Variants in MRPS22 observed in about 807,000 individuals in gnomAD.
MRPS22 encodes the protein mitochondrial ribosomal protein S22, also known as small ribosomal subunit protein mS22.
MRPS22 carries 30 observed loss-of-function variants against 44.0 expected under a neutral mutation model. The observed-to-expected ratio is 0.68, with a 90% CI of 0.51 to 0.93. MRPS22 has a LOEUF of 0.93. Ranked by LOEUF, MRPS22 falls within the 40% of genes least tolerant of loss-of-function variation. The pLI, the probability that MRPS22 is intolerant of heterozygous loss-of-function variation, is 0.00. For missense variants in MRPS22, 447 were observed against 447.8 expected (o/e 1.00, Z 0.02); for synonymous variants, 165 against 154.4 (o/e 1.07, Z -0.51).
chr3:139,345,450 GTT>G (rs78050187), intron 1 of MRPS22, among the ~76,000 whole-genome samples: 5 of 106,512 alleles, frequency 4.7e-5, no homozygotes, highest in South Asian at 3.0e-4. Context: ...TTTTTTTTTT[GTT>G]TTTTTTTTTT....
intron 7 of MRPS22, 33 bp downstream of exon 7, chr3:139,355,823 G>A: frequency 6.6e-7 from 1 of 1,524,026 alleles, no homozygotes; most frequent in Non-Finnish European, 9.1e-7. Flanking sequence ...GTTGTTTTGT[G>A]GTGGTAATTG....
intron 6 of MRPS22, 131 bp downstream of exon 6, chr3:139,352,923 G>T: frequency 1.0e-6 from 1 of 988,438 alleles, no homozygotes; most frequent in South Asian, 1.4e-5. Context: ...TTATGGATTT[G>T]TTCTTTTAGT....
intron 1 of MRPS22, among the ~76,000 whole-genome samples, chr3:139,344,931 T>A (rs1206659614): frequency 6.6e-6 from 1 of 152,124 alleles, no homozygotes; most frequent in Non-Finnish European, 1.5e-5. Flanking sequence ...ATTAAACCTA[T>A]TTGGGACACA....
At chr3:139,355,097 C>T (rs948660398) in intron 6 of MRPS22, among the ~76,000 whole-genome samples, 1 of 152,120 alleles carries the variant, frequency 6.6e-6, no homozygotes, top group African/African-American at 2.4e-5. Context: ...TCCTTTTTGT[C>T]TGATGTGTGT....
At chr3:139,350,664 G>T in intron 4 of MRPS22, 1 of 328,974 alleles carries the variant, frequency 3.0e-6, no homozygotes, top group Non-Finnish European at 5.5e-6. Context: ...CTGACCTCGG[G>T]ATTCGCACCC....
intron 2 of MRPS22, among the ~76,000 whole-genome samples, chr3:139,347,734 G>A (rs1941068015): frequency 6.6e-6 from 1 of 152,144 alleles, no homozygotes. Flanking sequence ...CTTAACATCT[G>A]TATGCCTCTG....
chr3:139,349,168 C>A (rs1433596523), intron 3 of MRPS22: 1 of 342,446 alleles, frequency 2.9e-6, no homozygotes, highest in Non-Finnish European at 5.7e-6. Flanking sequence ...TTTTGTGATG[C>A]TTTAATATAT....
At position 139,356,220 on chromosome 3, in the gene MRPS22, G is replaced by A. The variant is rs149676228; in HGVS notation, c.987+430G>A. ...GGGAAATGGGCATGTGTCAAGAAGT[G>A]GAGAGTGTGATGCTTGTATATCATC... On this transcript the variant is annotated intron_variant, in intron 7 of 7. Transcript: ENST00000680020. Among the ~76,000 whole-genome samples the A allele has an allele frequency of 4.4e-3, 668 of 152,300 alleles. 1 individual carries two copies. Among genetic ancestry groups the A allele is most frequent in the African/African-American group, 0.014 (581 of 41,580 alleles).
intron 1 of MRPS22, chr3:139,344,599 C>G: frequency 1.6e-6 from 1 of 640,326 alleles, no homozygotes; most frequent in Non-Finnish European, 2.8e-6. Flanking sequence ...CAAATATGAC[C>G]AAAGCTGAGA....
chr3:139,353,549 C>T (rs780203324), intron 6 of MRPS22, among the ~76,000 whole-genome samples: 1 of 152,112 alleles, frequency 6.6e-6, no homozygotes, highest in African/African-American at 2.4e-5. Context: ...GTTTTTGACT[C>T]GCAGAGTATC....
At chr3:139,355,573 C>T in intron 6 of MRPS22, 109 bp from the exon 7 acceptor site, 2 of 916,726 alleles carry the variant, frequency 2.2e-6, no homozygotes, top group East Asian at 2.6e-5. Flanking sequence ...TCCCTCCAGC[C>T]TGAGGAAAGT....
Position 139,355,802 on chromosome 3 carries a change from T to G in MRPS22, c.987+12T>G, listed in dbSNP as rs1293511808. 1.0e-5 allele frequency: 16 copies of G among 1,602,362 alleles called. No individual in the cohort carries two copies. Among genetic ancestry groups the G allele is most frequent in the Non-Finnish European group, 1.4e-5 (16 of 1,169,594 alleles). ...TAAATTTAATCAAGGTAAAGTTTTT[T>G]TTTCATATTGGTTGTTTTGTGGTGG... On this transcript the variant is annotated intron_variant, in intron 7 of 7. Coordinates refer to ENST00000680020, the MANE Select transcript of MRPS22 (RefSeq NM_020191.4).
At chr3:139,350,688 C>A (rs542183875) in intron 4 of MRPS22, 37 of 443,400 alleles carry the variant, frequency 8.3e-5, no homozygotes, top group African/African-American at 5.8e-4. Flanking sequence ...CCCCGCAATC[C>A]GACTCCCAAA....
At position 139,357,108 on chromosome 3, in the gene MRPS22, T is replaced by TATC. The variant is rs1941298168; in HGVS notation, c.*96_*98dup. ...GTTAAAAAATGGCCAGATTAAAAGATATCAATTTGTAGTTCTCCCTACAAA... is the reference window on the plus strand; with the variant it reads ...GTTAAAAAATGGCCAGATTAAAAGATATCATCAATTTGTAGTTCTCCCTACAAA... On this transcript the variant is annotated 3_prime_UTR_variant, in exon 8 of 8. Transcript: ENST00000680020. The TATC allele has an allele frequency of 2.9e-6, 3 of 1,052,472 alleles. No individual in the cohort carries two copies. Among genetic ancestry groups the TATC allele is most frequent in the Non-Finnish European group, 4.3e-6 (3 of 702,060 alleles). 65.2% of individuals were successfully genotyped at this position (1,052,472 alleles called of 1,614,324 possible). A position where few individuals can be genotyped will look rare whatever the true frequency, so the allele number is the denominator to read the frequency against.
intron 7 of MRPS22, among the ~76,000 whole-genome samples, chr3:139,355,995 TA>T (rs1941251007): frequency 6.6e-6 from 1 of 151,908 alleles, no homozygotes; most frequent in Non-Finnish European, 1.5e-5. Flanking sequence ...TGCAGTAAAG[TA>T]GGTTGAGTGA....
intron 3 of MRPS22, 45 bp downstream of exon 3, chr3:139,348,369 A>G (rs1361384523): frequency 3.1e-6 from 5 of 1,591,580 alleles, no homozygotes; most frequent in Non-Finnish European, 2.6e-6. Flanking sequence ...TTGAAATACT[A>G]TGTGGAGAAG....
Position 139,356,925 on chromosome 3 carries a change from G to A in MRPS22, c.994G>A (p.Ala332Thr). ...TTCTTTTTAATTTAAACAGGTCTTT[G>A]CAAAAACAGAAGCACAGAAGGGAGC... is the stretch of plus-strand genomic sequence containing the variant. ...AEGINLIKVF[A>T]KTEAQKGAYI... Residue 332 changes from alanine to threonine, a missense_variant, in exon 8 of 8, where the codon GCA becomes ACA. By Grantham distance (58) the Ala-to-Thr change is moderately conservative. Transcript: ENST00000680020. 1.2e-6 allele frequency: 2 copies of A among 1,611,506 alleles called. No individual in the cohort carries two copies. Among genetic ancestry groups the A allele is most frequent in the South Asian group, 2.2e-5 (2 of 90,684 alleles).
chr3:139,350,491 G>A (rs1208870185), intron 4 of MRPS22, 169 bp downstream of exon 4: 5 of 689,412 alleles, frequency 7.3e-6, no homozygotes, highest in Non-Finnish European at 1.2e-5. Flanking sequence ...GCAGTGGCGG[G>A]ATCTCAGCTC....
intron 5 of MRPS22, chr3:139,351,736 A>G (rs979960360): frequency 2.6e-5 from 4 of 154,572 alleles, no homozygotes; most frequent in African/African-American, 9.6e-5. Context: ...AACAGGCAGG[A>G]AAAAAGGAGG....
Sources: gnomAD v4.1 joint callset for allele counts (sites outside exome capture counted in the v4.1 genomes callset) on GRCh38, gnomAD v4.1.1 for gene constraint, MANE v1.5 for transcripts, NCBI Gene and HGNC (gene_info 2026-07-23, HGNC 2026-07-21) for gene names.